Variants in GCG observed in about 807,000 individuals in gnomAD.
The protein encoded by GCG is pro-glucagon.
In GCG, 11 loss-of-function variants were observed where a neutral mutation model predicts 22.8. The ratio of observed to expected loss-of-function variants is 0.48; its 90% CI spans 0.30 to 0.80. The LOEUF (loss-of-function observed/expected upper bound fraction) is 0.80. GCG is among the 30% of genes least tolerant of loss of function. GCG has a pLI of 0.06. For synonymous variants in GCG, 89 were observed against 72.4 expected (o/e 1.23, Z -1.16); for missense variants, 222 against 222.0 (o/e 1.00, Z 0.00).
At position 162,149,114 on chromosome 2, in the gene GCG, G is replaced by C; in HGVS notation, c.65C>G (p.Ser22Cys). The stretch of plus-strand genomic sequence containing the variant: ...GGATTTCTCCTCTGTGTCTTGAAGG[G>C]AACGTTGCCAGCTGCCTTGTACCAG... ...VMLVQGSWQR[S>C]LQDTEEKSRS... is the part of the protein sequence containing the mutation. The change falls in exon 2 of 6, where the codon TCC becomes TGC. Residue 22 changes from serine to cysteine, a missense_variant. Transcript: ENST00000418842. 6.2e-7 allele frequency: 1 copy of C among 1,610,854 alleles called. No homozygotes were observed. Among genetic ancestry groups the C allele is most frequent in the Non-Finnish European group, 8.5e-7 (1 of 1,177,408 alleles).
At chr2:162,143,869 T>C in intron 5 of GCG, 158 bp downstream of exon 5, 1 of 666,130 alleles carries the variant, frequency 1.5e-6, no homozygotes, top group Non-Finnish European at 2.7e-6. Flanking sequence ...AAAACAAACA[T>C]AATGATGTAC....
Position 162,144,013 on chromosome 2 carries a change from T to G in GCG, c.536+14A>C. On this transcript the variant is annotated intron_variant, in intron 5 of 5. Transcript: ENST00000418842. ...GAATTTGATGGTTTTCAGAATTAAC[T>G]AAAAAGCAGTCACCTGTCAGTGATT... The G allele has an allele frequency of 6.2e-7, 1 of 1,610,790 alleles. No individual in the cohort carries two copies. Among genetic ancestry groups the G allele is most frequent in the Non-Finnish European group, 8.5e-7 (1 of 1,177,458 alleles).
intron 1 of GCG, among the ~76,000 whole-genome samples, chr2:162,151,403 T>C (rs373214245): frequency 1.7e-4 from 26 of 152,270 alleles, no homozygotes; most frequent in African/African-American, 5.8e-4. Context: ...ATCAAAGATC[T>C]TTGTAAATTT....
chr2:162,149,224 C>A (rs1686772899), intron 1 of GCG, 37 bp from the exon 2 acceptor site: 3 of 1,170,212 alleles, frequency 2.6e-6, no homozygotes, highest in Non-Finnish European at 3.8e-6. Flanking sequence ...GTGAGGGGGG[C>A]AGGCAAGGAT....
chr2:162,149,291 A>C, intron 1 of GCG, 104 bp from the exon 2 acceptor site: 1 of 664,910 alleles, frequency 1.5e-6, no homozygotes, highest in Non-Finnish European at 2.7e-6. Flanking sequence ...TCATAAGTAG[A>C]AGGAAAAAGC....
chr2:162,147,949 T>C lies in GCG; in HGVS notation c.93-435A>G, dbSNP rs139861872. On this transcript the variant is annotated intron_variant, in intron 2 of 5. Transcript: ENST00000418842. The stretch of plus-strand genomic sequence containing the variant: ...TGAAAACAGCACAATTATCTAGTTA[T>C]ATGGTGGCTAGCAGTGGAAGGAAGA... Among the ~76,000 whole-genome samples, 363 of 152,184 alleles carry C rather than the reference T, an allele frequency of 2.4e-3. 5 individuals carry two copies. Among genetic ancestry groups the C allele is most frequent in the Admixed American group, 0.016 (251 of 15,256 alleles).
chr2:162,149,464 G>C (rs759109539), intron 1 of GCG, among the ~76,000 whole-genome samples: 12 of 151,942 alleles, frequency 7.9e-5, no homozygotes, highest in Non-Finnish European at 1.3e-4. Flanking sequence ...TAATTAGAAG[G>C]CTCATTTCCA....
Position 162,147,439 on chromosome 2 carries a change from G to A in GCG, c.168C>T (p.Gly56=), listed in dbSNP as rs762355129. ...QMNEDKRHSQ[G]TFTSDYSKYL... is the part of the protein sequence containing the mutation. The stretch of plus-strand genomic sequence containing the variant: ...ACTTGCTGTAGTCACTGGTGAATGT[G>A]CCCTGTGAATGGCGCTTGTCCTCGT... Residue 56 remains glycine (G), a synonymous_variant, in exon 3 of 6, where the codon GGC becomes GGT. Transcript: ENST00000418842. The A allele has an allele frequency of 1.9e-6, 3 of 1,612,582 alleles. No homozygotes were observed. The highest frequency in any genetic ancestry group is 1.7e-4 in the Middle Eastern group (1 of 6,054).
Position 162,144,018 on chromosome 2 carries a change from A to G in GCG, c.536+9T>C. 17 of 1,611,262 alleles carry G rather than the reference A, an allele frequency of 1.1e-5. No individual in the cohort carries two copies. The highest frequency in any genetic ancestry group is 1.4e-5 in the Non-Finnish European group (17 of 1,177,822). ...TGATGGTTTTCAGAATTAACTAAAA[A>G]GCAGTCACCTGTCAGTGATTTTGGT... On this transcript the variant is annotated intron_variant, in intron 5 of 5. Coordinates refer to ENST00000418842, the MANE Select transcript of GCG (RefSeq NM_002054.5).
At chr2:162,148,475 TTAA>T (rs1686750607) in intron 2 of GCG, among the ~76,000 whole-genome samples, 1 of 152,056 alleles carries the variant, frequency 6.6e-6, no homozygotes, top group Non-Finnish European at 1.5e-5. Flanking sequence ...AATATCATGT[TTAA>T]CAAATATTTT....
At position 162,149,300 on chromosome 2, in the gene GCG, G is replaced by C. The variant is rs1180865795; in HGVS notation, c.-9-113C>G. Reference sequence around the variant, plus strand: ...TAAATATCATAAGTAGAAGGAAAAAGCTAGTGTTATCACTTTTATTCTGAT... The same window carrying C: ...TAAATATCATAAGTAGAAGGAAAAACCTAGTGTTATCACTTTTATTCTGAT... On this transcript the variant is annotated intron_variant, in intron 1 of 5. Coordinates refer to ENST00000418842, the MANE Select transcript of GCG (RefSeq NM_002054.5). The C allele has an allele frequency of 1.7e-5, 11 of 637,608 alleles. No individual in the cohort carries two copies. In the East Asian group the frequency reaches 2.9e-4, roughly 17 times the overall value. The allele number at this position is 637,608 out of a possible 1,614,324, so 39.5% of individuals were successfully genotyped here. A position where few individuals can be genotyped will look rare whatever the true frequency, so the allele number is the denominator to read the frequency against.
chr2:162,147,700 G>T, intron 2 of GCG, 186 bp from the exon 3 acceptor site: 5 of 701,178 alleles, frequency 7.1e-6, no homozygotes, highest in Non-Finnish European at 1.3e-5. Flanking sequence ...TAGTATAGTT[G>T]CATACGCTAT....
intron 2 of GCG, 89 bp from the exon 3 acceptor site, chr2:162,147,603 T>C: frequency 9.0e-7 from 1 of 1,110,380 alleles, no homozygotes. Flanking sequence ...TACAAGACCA[T>C]ATAAAACAGT....
chr2:162,145,581 C>G lies in GCG; in HGVS notation c.351G>C (p.Lys117Asn), dbSNP rs948553286. The change falls in exon 4 of 6, where the codon AAG becomes AAC. Residue 117 changes from lysine (K) to asparagine (N), a missense_variant. Coordinates refer to ENST00000418842, the MANE Select transcript of GCG (RefSeq NM_002054.5). ...VSSYLEGQAAKEFIAWLVKGR... is the reference protein window; with the variant it reads ...VSSYLEGQAANEFIAWLVKGR... ...CTTTCACCAGCCAAGCAATGAATTC[C>G]TTGGCAGCTTGGCCTTCCAAATAAG... 1.2e-6 allele frequency: 2 copies of G among 1,611,666 alleles called. No individual in the cohort carries two copies. Among genetic ancestry groups the G allele is most frequent in the African/African-American group, 2.7e-5 (2 of 74,842 alleles).
In GCG at chr2:162,144,278, G is replaced by A; in HGVS notation, c.393-108C>T. On this transcript the variant is annotated intron_variant, in intron 4 of 5. Transcript: ENST00000418842. ...ACAAGTGTCTTGAGGAAACAGTAAA[G>A]GATTCTGTTTTTAAAGGGTGTACTG... 4.5e-6 allele frequency: 4 copies of A among 887,374 alleles called. No individual in the cohort carries two copies. In the East Asian group the frequency reaches 7.2e-5, roughly 16 times the overall value. The allele number at this position is 887,374 out of a possible 1,614,324, so 55.0% of individuals were successfully genotyped here.
intron 1 of GCG, among the ~76,000 whole-genome samples, chr2:162,149,931 C>G (rs1686791762): frequency 6.6e-6 from 1 of 152,100 alleles, no homozygotes; most frequent in African/African-American, 2.4e-5. Flanking sequence ...GAGCTTGCTT[C>G]TAAAGTCATA....
chr2:162,146,077 A>T (rs1686676084), intron 3 of GCG, among the ~76,000 whole-genome samples: 1 of 152,166 alleles, frequency 6.6e-6, no homozygotes, highest in Non-Finnish European at 1.5e-5. Context: ...AATTGATTTG[A>T]GGGAAAGCAA....
chr2:162,144,193 T>C, intron 4 of GCG, 23 bp from the exon 5 acceptor site: 1 of 1,584,224 alleles, frequency 6.3e-7, no homozygotes, highest in East Asian at 2.2e-5. Flanking sequence ...GTGTTAAAAT[T>C]AGCGTTTGAT....
chr2:162,144,040 T>G lies in GCG; in HGVS notation c.523A>C (p.Lys175Gln), dbSNP rs772779357. The G allele has an allele frequency of 1.9e-6, 3 of 1,612,996 alleles. No individual in the cohort carries two copies. The African/African-American group carries it at 4.0e-5, about 22-fold the overall frequency. The change falls in exon 5 of 6, where the codon AAA becomes CAA. Residue 175 changes from lysine to glutamine, a missense_variant. Transcript: ENST00000418842. ...RDFINWLIQT[K>Q]ITDRK is the part of the protein sequence containing the mutation. Reference sequence around the variant, plus strand: ...AAAAGCAGTCACCTGTCAGTGATTTTGGTCTGAATCAACCAGTTTATAAAG... The same window carrying G: ...AAAAGCAGTCACCTGTCAGTGATTTGGGTCTGAATCAACCAGTTTATAAAG...
Sources: allele counts gnomAD v4.1 joint callset (sites outside exome capture counted in the v4.1 genomes callset), GRCh38; gene constraint gnomAD v4.1.1; transcripts MANE v1.5; gene names NCBI Gene and HGNC (gene_info 2026-07-23, HGNC 2026-07-21).